Variants in ATG4A observed in about 807,000 individuals in gnomAD.
ATG4A encodes autophagy related 4A cysteine peptidase.
ATG4A carries 22 observed loss-of-function variants against 38.4 expected under a neutral mutation model. The observed-to-expected ratio is 0.57, with a 90% CI of 0.41 to 0.82. ATG4A has a LOEUF of 0.82. ATG4A is among the 40% of genes least tolerant of loss of function. The pLI, the probability that ATG4A is intolerant of heterozygous loss-of-function variation, is 0.00. For missense variants in ATG4A, 220 were observed against 290.0 expected (o/e 0.76, Z 1.75); for synonymous variants, 86 against 100.7 (o/e 0.85, Z 0.88).
rs755874196 is a variant in ATG4A, at chrX:108,137,132, A to G, written c.509A>G (p.Tyr170Cys). Residue 170 changes from tyrosine (Y) to cysteine (C), a missense_variant, in exon 7 of 13, where the codon TAT becomes TGT. Around this residue, in one of 3 missense-constraint regions of ATG4A, gnomAD observed 159 missense variants for 188.9 expected, o/e 0.84. Transcript: ENST00000372232. ...GACGAATGGAATTCCTTGGCTGTTTATGTTTCAATGGATAACACAGTGGTC... is the reference window on the plus strand; with the variant it reads ...GACGAATGGAATTCCTTGGCTGTTTGTGTTTCAATGGATAACACAGTGGTC... Reference protein sequence around the residue: ...LFDEWNSLAVYVSMDNTVVIE... With the variant: ...LFDEWNSLAVCVSMDNTVVIE... 4.1e-6 allele frequency: 5 copies of G among 1,208,189 alleles called. No homozygotes were observed. The highest frequency in any genetic ancestry group is 2.3e-4 in the Middle Eastern group (1 of 4,339).
upstream of ATG4A, among the ~76,000 whole-genome samples, chrX:108,089,328 G>A (rs936347143): frequency 9.0e-6 from 1 of 111,158 alleles, no homozygotes; most frequent in Non-Finnish European, 1.9e-5. Flanking sequence ...GTGAAGTTGG[G>A]GCACAACTGT....
At chrX:108,130,662 G>A (rs1231323936) in intron 3 of ATG4A, among the ~76,000 whole-genome samples, 3 of 111,814 alleles carry the variant, frequency 2.7e-5, no homozygotes, top group Admixed American at 9.5e-5. Context: ...CAGCCTATAG[G>A]TGAGATTTAG....
intron 1 of ATG4A, among the ~76,000 whole-genome samples, chrX:108,114,946 G>T (rs781013815): frequency 1.1e-4 from 12 of 111,771 alleles, no homozygotes; most frequent in Admixed American, 2.8e-4. Flanking sequence ...TAGTAGAAAA[G>T]AACAATTAAT....
chrX:108,148,393 T>C (rs2033489613), intron 9 of ATG4A, among the ~76,000 whole-genome samples: 1 of 104,668 alleles, frequency 9.6e-6, no homozygotes, highest in Non-Finnish European at 1.9e-5. Flanking sequence ...ACACCTGGGA[T>C]CAGTACTTTG....
At chrX:108,110,439 C>G (rs2032327170) in intron 1 of ATG4A, among the ~76,000 whole-genome samples, 1 of 110,319 alleles carries the variant, frequency 9.1e-6, no homozygotes, top group African/African-American at 3.3e-5. Flanking sequence ...AAATATTTAT[C>G]ATTTTTTTTC....
chrX:108,153,908 C>T lies in ATG4A; in HGVS notation c.*196C>T, dbSNP rs1404945500. 5.5e-6 allele frequency: 2 copies of T among 365,320 alleles called. No homozygotes were observed. The highest frequency in any genetic ancestry group is 1.1e-4 in the South Asian group (2 of 18,608). The allele number at this position is 365,320 out of a possible 1,213,427, so 30.1% of individuals were successfully genotyped here. On this transcript the variant is annotated 3_prime_UTR_variant, in exon 13 of 13. Transcript: ENST00000372232. The stretch of plus-strand genomic sequence containing the variant: ...AAAACAAATGACAGTAACCCTTCCC[C>T]GGAAAGAAATAGAACAATCATGGAG...
chrX:108,091,207 C>T (rs2031605093), upstream of ATG4A, among the ~76,000 whole-genome samples: 1 of 113,456 alleles, frequency 8.8e-6, no homozygotes, highest in Non-Finnish European at 1.9e-5. Context: ...TCCGGGCCAA[C>T]GGGAAAATAT....
upstream of ATG4A, among the ~76,000 whole-genome samples, chrX:108,089,960 A>T (rs886455348): frequency 7.1e-5 from 8 of 112,701 alleles, 1 homozygote; most frequent in Admixed American, 5.6e-4. Flanking sequence ...ATGGTATTTT[A>T]AACTCTATTA....
At position 108,098,186 on chromosome X, in the gene ATG4A, T is replaced by C. The variant is rs780171327; in HGVS notation, c.10+6350T>C. ...TTTAATCCCGTGTTTTGATCCCACATGTTAAATGTCCTTGGTGTTATATGT... is the reference window on the plus strand; with the variant it reads ...TTTAATCCCGTGTTTTGATCCCACACGTTAAATGTCCTTGGTGTTATATGT... On this transcript the variant is annotated intron_variant, in intron 1 of 12. Coordinates refer to ENST00000372232, the MANE Select transcript of ATG4A (RefSeq NM_052936.5). Among the ~76,000 whole-genome samples the C allele has an allele frequency of 9.0e-5, 10 of 111,596 alleles. No homozygotes were observed. The Middle Eastern group carries it at 0.014, about 154-fold the overall frequency.
In ATG4A at chrX:108,134,494, A is replaced by G. The variant is rs757786920; in HGVS notation, c.467+83A>G. On this transcript the variant is annotated intron_variant, in intron 6 of 12. Coordinates refer to ENST00000372232, the MANE Select transcript of ATG4A (RefSeq NM_052936.5). ...AGACAACTAAACCTCCCATCAACCG[A>G]GGTATTCTTGCAATCCCGCTAAGCT... is the stretch of plus-strand genomic sequence containing the variant. 2.3e-5 allele frequency: 21 copies of G among 917,175 alleles called. No homozygotes were observed. In the African/African-American group the frequency reaches 4.0e-4, roughly 17 times the overall value. The allele number at this position is 917,175 out of a possible 1,213,427, so 75.6% of individuals were successfully genotyped here.
rs1284973240 is a variant in ATG4A at position 108,101,897 on chromosome X, A to G, written c.10+10061A>G. The stretch of plus-strand genomic sequence containing the variant: ...CTTCAAGGTTCATCCATATTGTAGC[A>G]TATGACAGGGTTTCTTTTTATGGCT... On this transcript the variant is annotated intron_variant, in intron 1 of 12. Coordinates refer to ENST00000372232, the MANE Select transcript of ATG4A (RefSeq NM_052936.5). 7.2e-5 allele frequency among the ~76,000 whole-genome samples: 8 copies of G among 110,652 alleles called. No individual in the cohort carries two copies. In the Admixed American group the frequency reaches 7.7e-4, roughly 11 times the overall value.
At chrX:108,090,564 G>C (rs2031578310), upstream of ATG4A, among the ~76,000 whole-genome samples, 1 of 112,122 alleles carries the variant, frequency 8.9e-6, no homozygotes, top group Non-Finnish European at 1.9e-5. Context: ...ACAGTCTCTT[G>C]ATTTCTAATT....
At chrX:108,109,133 A>C (rs1427791474) in intron 1 of ATG4A, among the ~76,000 whole-genome samples, 1 of 111,947 alleles carries the variant, frequency 8.9e-6, no homozygotes, top group Non-Finnish European at 1.9e-5. Context: ...CCAGTGGTGC[A>C]CAGGGGTTCT....
At chrX:108,114,161 G>A (rs775881340) in intron 1 of ATG4A, among the ~76,000 whole-genome samples, 12 of 111,834 alleles carry the variant, frequency 1.1e-4, no homozygotes, top group Non-Finnish European at 1.9e-4. Context: ...TAGATATGTG[G>A]AACTTGAATA....
At chrX:108,090,721 C>T (rs2147944340), upstream of ATG4A, among the ~76,000 whole-genome samples, 1 of 112,200 alleles carries the variant, frequency 8.9e-6, no homozygotes, top group South Asian at 3.7e-4. Flanking sequence ...AGGATGAAAG[C>T]ACGAGAGTCC....
At chrX:108,106,621 A>T (rs903015566) in intron 1 of ATG4A, among the ~76,000 whole-genome samples, 3 of 111,441 alleles carry the variant, frequency 2.7e-5, no homozygotes, top group African/African-American at 9.8e-5. Context: ...TTCACCTGAG[A>T]CTGTCTTGAT....
At chrX:108,105,172 G>T (rs1189986291) in intron 1 of ATG4A, among the ~76,000 whole-genome samples, 1 of 110,795 alleles carries the variant, frequency 9.0e-6, no homozygotes, top group Non-Finnish European at 1.9e-5. Flanking sequence ...TGTCTCTAAC[G>T]TTTTTGTTGG....
chrX:108,150,008 T>C, intron 9 of ATG4A, 144 bp from the exon 10 acceptor site: 2 of 669,614 alleles, frequency 3.0e-6, no homozygotes, highest in East Asian at 3.3e-5. Flanking sequence ...TTAAGCATGC[T>C]CACCCTGGCT....
In ATG4A at chrX:108,091,990, T is replaced by C. The variant is rs2031645019; in HGVS notation, c.10+154T>C. 31 of 922,610 alleles carry C rather than the reference T, an allele frequency of 3.4e-5. No individual in the cohort carries two copies. The South Asian group carries it at 6.1e-4, about 18-fold the overall frequency. The allele number at this position is 922,610 out of a possible 1,213,427, so 76.0% of individuals were successfully genotyped here. On this transcript the variant is annotated intron_variant, in intron 1 of 12. Transcript: ENST00000372232. Reference sequence around the variant, plus strand: ...GTCCCCCGGGGTTCCTGACCTGCAGTGGCAGGCGGAAGGGACAAGGGTTGG... The same window carrying C: ...GTCCCCCGGGGTTCCTGACCTGCAGCGGCAGGCGGAAGGGACAAGGGTTGG...
Sources: allele counts gnomAD v4.1 joint callset (sites outside exome capture counted in the v4.1 genomes callset), GRCh38; gene constraint gnomAD v4.1.1; regional missense constraint gnomAD v4.1.1; transcripts MANE v1.5; gene names NCBI Gene and HGNC (gene_info 2026-07-23, HGNC 2026-07-21).